Variants in RANBP2 observed in about 807,000 individuals in gnomAD.
The protein encoded by RANBP2 is RAN binding protein 2, also known as E3 SUMO-protein ligase RanBP2.
Under a neutral mutation model 303.6 loss-of-function variants are expected in RANBP2, and 57 were observed. The observed-to-expected ratio is 0.19, with a 90% CI of 0.15 to 0.23. The LOEUF (loss-of-function observed/expected upper bound fraction) is 0.23, where lower values mean the gene tolerates loss of function less well. Ranked by LOEUF, RANBP2 falls within the 10% of genes least tolerant of loss-of-function variation. The pLI, the probability that RANBP2 is intolerant of heterozygous loss-of-function variation, is 1.00. For synonymous variants in RANBP2, 1,167 were observed against 1,301.5 expected (o/e 0.90, Z 2.23); for missense variants, 3,138 against 3,780.8 (o/e 0.83, Z 4.46).
intron 9 of RANBP2, 96 bp downstream of exon 9, chr2:108,749,225 G>A: frequency 1.3e-6 from 2 of 1,588,742 alleles, no homozygotes; most frequent in Non-Finnish European, 1.7e-6. Flanking sequence ...ATATTTTCCT[G>A]TATTCCTTTT....
At chr2:109,446,287 G>A in the RANBP2 span, among the ~76,000 whole-genome samples, 3 of 152,096 alleles carry the variant, frequency 2.0e-5, no homozygotes, top group Non-Finnish European at 4.4e-5. Flanking sequence ...TTTCCTCAGA[G>A]ACTCACTCTT....
At chr2:109,557,859 T>C in the RANBP2 span, among the ~76,000 whole-genome samples, 2 of 151,832 alleles carry the variant, frequency 1.3e-5, no homozygotes, top group Non-Finnish European at 2.9e-5. Flanking sequence ...TTCTTTTTTT[T>C]TTTTTTTGAG....
At chr2:109,187,672 T>G in the RANBP2 span, among the ~76,000 whole-genome samples, 1 of 152,206 alleles carries the variant, frequency 6.6e-6, no homozygotes, top group Non-Finnish European at 1.5e-5. Flanking sequence ...CACTCTGATG[T>G]TCACACAATG....
At chr2:109,382,942 A>G in the RANBP2 span, among the ~76,000 whole-genome samples, 1 of 152,360 alleles carries the variant, frequency 6.6e-6, no homozygotes, top group South Asian at 2.1e-4. Flanking sequence ...TTCCAGGCCC[A>G]TGCTCACTTC....
At chr2:109,523,093 C>G in the RANBP2 span, among the ~76,000 whole-genome samples, 3 of 152,182 alleles carry the variant, frequency 2.0e-5, no homozygotes, top group Non-Finnish European at 2.9e-5. Flanking sequence ...CCTCTGTGGT[C>G]CTGGAGAGGT....
chr2:108,757,745 T>A (rs1676425024), intron 17 of RANBP2, among the ~76,000 whole-genome samples: 1 of 152,204 alleles, frequency 6.6e-6, no homozygotes, highest in Non-Finnish European at 1.5e-5. Context: ...GAAAGAAGTT[T>A]AGTTTGTAGA....
intron 12 of RANBP2, among the ~76,000 whole-genome samples, 159 bp downstream of exon 12, chr2:108,752,153 T>C (rs1357000597): frequency 6.6e-6 from 1 of 152,116 alleles, no homozygotes; most frequent in Non-Finnish European, 1.5e-5. Context: ...TAGTTAAATA[T>C]AAGCACTTAG....
the RANBP2 span, chr2:109,614,942 G>A: frequency 2.0e-6 from 3 of 1,517,822 alleles, no homozygotes; most frequent in East Asian, 7.6e-5. Flanking sequence ...TGAGCGCCGG[G>A]GCTCGCAGGA....
the RANBP2 span, among the ~76,000 whole-genome samples, chr2:109,397,918 A>G: frequency 2.6e-5 from 4 of 152,224 alleles, no homozygotes; most frequent in African/African-American, 7.2e-5. Flanking sequence ...TTGTAGAACA[A>G]TGGGAGATGT....
chr2:109,604,930 G>A, the RANBP2 span: 3 of 152,306 alleles, frequency 2.0e-5, no homozygotes, highest in African/African-American at 7.2e-5. Flanking sequence ...CTGGAGAGAC[G>A]TCACTGTGAA....
chr2:109,109,980 G>A, the RANBP2 span, among the ~76,000 whole-genome samples: 1 of 152,134 alleles, frequency 6.6e-6, no homozygotes, highest in Admixed American at 6.5e-5. Flanking sequence ...AACAGACCCT[G>A]AAAATAGGAG....
At chr2:109,500,072 G>A in the RANBP2 span, among the ~76,000 whole-genome samples, 1 of 152,164 alleles carries the variant, frequency 6.6e-6, no homozygotes, top group Non-Finnish European at 1.5e-5. Flanking sequence ...AGGAGACAGT[G>A]TGTGGCTGTC....
chr2:109,031,184 C>A, the RANBP2 span, among the ~76,000 whole-genome samples: 1 of 152,218 alleles, frequency 6.6e-6, no homozygotes, highest in East Asian at 1.9e-4. Context: ...TTATAAATAG[C>A]CATTTCCTTT....
chr2:109,016,736 G>A, the RANBP2 span, among the ~76,000 whole-genome samples: 4 of 152,206 alleles, frequency 2.6e-5, no homozygotes, highest in Non-Finnish European at 5.9e-5. Flanking sequence ...GCCAGGCGAC[G>A]CCCAGGCAGG....
the RANBP2 span, among the ~76,000 whole-genome samples, chr2:109,163,320 G>A: frequency 6.7e-6 from 1 of 150,372 alleles, no homozygotes; most frequent in African/African-American, 2.4e-5. Flanking sequence ...AAAGGAAATT[G>A]CAAGTGCAAG....
chr2:109,574,481 A>G, the RANBP2 span: 1 of 622,424 alleles, frequency 1.6e-6, no homozygotes. Flanking sequence ...AAAAAGATGC[A>G]CAGGATAAAA....
chr2:109,507,136 C>T, the RANBP2 span, among the ~76,000 whole-genome samples: 28,606 of 152,130 alleles, frequency 0.19, 3,556 homozygotes, highest in Non-Finnish European at 0.27. Context: ...GTCTAAATGC[C>T]TCTGCCAGTG....
the RANBP2 span, among the ~76,000 whole-genome samples, chr2:109,084,612 A>G: frequency 6.6e-6 from 1 of 152,176 alleles, no homozygotes; most frequent in Non-Finnish European, 1.5e-5. Flanking sequence ...CTCAGAGGTG[A>G]AACAAGTGGA....
At chr2:109,622,059 A>G in the RANBP2 span, among the ~76,000 whole-genome samples, 3 of 152,204 alleles carry the variant, frequency 2.0e-5, no homozygotes, top group Non-Finnish European at 4.4e-5. Flanking sequence ...TAAGGTTAAG[A>G]CTAAGACGGC....
Sources: gnomAD v4.1 joint callset for allele counts (sites outside exome capture counted in the v4.1 genomes callset) on GRCh38, gnomAD v4.1.1 for gene constraint, MANE v1.5 for transcripts, NCBI Gene and HGNC (gene_info 2026-07-23, HGNC 2026-07-21) for gene names.